NEMP2: variants seen among roughly 807,000 people sequenced by gnomAD.
NEMP2 encodes the protein nuclear envelope integral membrane protein 2.
In NEMP2, 53 loss-of-function variants were observed where a neutral mutation model predicts 54.2. The ratio of observed to expected loss-of-function variants is 0.98; its 90% CI spans 0.78 to 1.23. NEMP2 has a LOEUF of 1.23. Among genes scored for constraint, NEMP2 ranks in the 50% most tolerant of loss-of-function variants. The probability of loss-of-function intolerance (pLI) is 0.00; values close to 1 mark genes in which losing one functional copy is unlikely to be tolerated. For missense variants in NEMP2, 455 were observed against 511.3 expected, an observed-to-expected ratio of 0.89 and a Z score of 1.06; for synonymous variants, 197 against 190.3, an observed-to-expected ratio of 1.04 and a Z score of -0.29.
chr2:190,497,448 T>C, the NEMP2 span: 2 of 1,613,560 alleles, frequency 1.2e-6, no homozygotes, highest in Non-Finnish European at 1.7e-6. This position sits in a 1 kb window ranked among gnomAD's most constrained non-coding sequence, Gnocchi z 5.2. Context: ...GACAAGACAA[T>C]GTTGGCAGAA....
At chr2:190,452,480 T>C in the NEMP2 span, among the ~76,000 whole-genome samples, 6 of 152,280 alleles carry the variant, frequency 3.9e-5, no homozygotes, top group South Asian at 2.1e-4. Context: ...ATTTTAGAGA[T>C]GAGAATTGTA....
chr2:190,421,686 G>T, the NEMP2 span, among the ~76,000 whole-genome samples: 2 of 151,858 alleles, frequency 1.3e-5, no homozygotes, highest in Non-Finnish European at 2.9e-5. Context: ...ATCCCAAGTA[G>T]CTGGGACTGT....
At chr2:190,545,708 G>A in the NEMP2 span, among the ~76,000 whole-genome samples, 2 of 152,254 alleles carry the variant, frequency 1.3e-5, no homozygotes, top group Admixed American at 1.3e-4. Context: ...AAAGGGGTGG[G>A]TGGAGGTTGG....
At position 190,534,589 on chromosome 2, in the gene NEMP2, G is replaced by C; in HGVS notation, c.67C>G (p.Arg23Gly). 2 of 1,396,200 alleles carry C rather than the reference G, an allele frequency of 1.4e-6. No homozygotes were observed. Among genetic ancestry groups the C allele is most frequent in the Admixed American group, 3.3e-5 (1 of 30,044 alleles). 86.5% of individuals were successfully genotyped at this position (1,396,200 alleles called of 1,614,324 possible). A position where few individuals can be genotyped will look rare whatever the true frequency, so the allele number is the denominator to read the frequency against. Residue 23 changes from arginine to glycine, a missense_variant, in exon 1 of 9, where the codon CGC (arginine) becomes GGC (glycine). Around this residue, in one of 3 missense-constraint regions of NEMP2, gnomAD observed 100 missense variants for 80.2 expected, o/e 1.25. Transcript: ENST00000409150. ...AACGCTGCCGCCGCCGCCTCCCCGCGCACGGGCAGTGTGGCCAGGGGCGGC... is the reference window on the plus strand; with the variant it reads ...AACGCTGCCGCCGCCGCCTCCCCGCCCACGGGCAGTGTGGCCAGGGGCGGC... ...WLPPLATLPVRGEAAAAALSV... is the reference protein window; with the variant it reads ...WLPPLATLPVGGEAAAAALSV...
the NEMP2 span, chr2:190,568,191 T>A: frequency 6.6e-6 from 1 of 152,196 alleles, no homozygotes; most frequent in Admixed American, 6.5e-5. The surrounding 1 kb of genome is among the most constrained non-coding windows in gnomAD (Gnocchi z 4.7). Context: ...ATCTACATGA[T>A]CTTTGTGAAG....
At chr2:190,591,486 T>C in the NEMP2 span, among the ~76,000 whole-genome samples, 2 of 152,042 alleles carry the variant, frequency 1.3e-5, no homozygotes, top group African/African-American at 4.8e-5. The surrounding 1 kb of genome is among the most constrained non-coding windows in gnomAD (Gnocchi z 5.4). Context: ...TGTGTGTGCG[T>C]GTGTGTGTGT....
the NEMP2 span, among the ~76,000 whole-genome samples, chr2:190,596,152 G>A: frequency 3.9e-5 from 6 of 152,144 alleles, no homozygotes; most frequent in African/African-American, 1.4e-4. This position sits in a 1 kb window ranked among gnomAD's most constrained non-coding sequence, Gnocchi z 5.1. Context: ...CACAGGACAA[G>A]AAAACCAAAC....
At chr2:190,484,954 A>C in the NEMP2 span, among the ~76,000 whole-genome samples, 1 of 152,122 alleles carries the variant, frequency 6.6e-6, no homozygotes, top group Non-Finnish European at 1.5e-5. Flanking sequence ...CCTTCACTTA[A>C]TTCCCTGAGT....
chr2:190,472,128 C>T, the NEMP2 span, among the ~76,000 whole-genome samples: 12 of 152,126 alleles, frequency 7.9e-5, no homozygotes, highest in Non-Finnish European at 1.8e-4. Context: ...GTTAAAACCA[C>T]AAAGATGGGG....
chr2:190,445,821 TAATGCTTCCTGTA>T, the NEMP2 span, among the ~76,000 whole-genome samples: 1 of 152,180 alleles, frequency 6.6e-6, no homozygotes, highest in Admixed American at 6.5e-5. Context: ...ATGGAAAGAA[TAATGCTTCCTGTA>T]ATTGACTAAT....
At chr2:190,457,888 C>A in the NEMP2 span, among the ~76,000 whole-genome samples, 4 of 152,290 alleles carry the variant, frequency 2.6e-5, no homozygotes, top group East Asian at 7.7e-4. The surrounding 1 kb of genome is among the most constrained non-coding windows in gnomAD (Gnocchi z 5.1). Context: ...GATTAATTAG[C>A]ACTGTTTGTA....
At chr2:190,485,210 G>C in the NEMP2 span, among the ~76,000 whole-genome samples, 1 of 152,186 alleles carries the variant, frequency 6.6e-6, no homozygotes, top group Non-Finnish European at 1.5e-5. This position sits in a 1 kb window ranked among gnomAD's most constrained non-coding sequence, Gnocchi z 5.1. Flanking sequence ...AAACCCTGTG[G>C]TTGGAAGAGT....
At chr2:190,475,588 C>T in the NEMP2 span, among the ~76,000 whole-genome samples, 2 of 152,182 alleles carry the variant, frequency 1.3e-5, no homozygotes, top group African/African-American at 4.8e-5. Flanking sequence ...AAGAACATTC[C>T]ATGCTCATGG....
chr2:190,608,091 T>C, the NEMP2 span: 1 of 152,232 alleles, frequency 6.6e-6, no homozygotes, highest in Non-Finnish European at 1.5e-5. The surrounding 1 kb of genome is among the most constrained non-coding windows in gnomAD (Gnocchi z 4.9). Flanking sequence ...TCCTGCTCTG[T>C]CCCACCCAGG....
the NEMP2 span, among the ~76,000 whole-genome samples, chr2:190,631,407 T>C: frequency 6.6e-6 from 1 of 152,204 alleles, no homozygotes; most frequent in African/African-American, 2.4e-5. Context: ...AAACAAACCT[T>C]AGACATTGTC....
the NEMP2 span, among the ~76,000 whole-genome samples, chr2:190,594,335 C>A: frequency 6.6e-6 from 1 of 152,118 alleles, no homozygotes; most frequent in Admixed American, 6.6e-5. This position sits in a 1 kb window ranked among gnomAD's most constrained non-coding sequence, Gnocchi z 5.6. Flanking sequence ...CCAAAAGTAT[C>A]TCCTTTAAAA....
the NEMP2 span, among the ~76,000 whole-genome samples, chr2:190,642,434 A>T: frequency 2.8e-3 from 421 of 152,280 alleles, 1 homozygote; most frequent in Non-Finnish European, 4.7e-3. This position sits in a 1 kb window ranked among gnomAD's most constrained non-coding sequence, Gnocchi z 4.1. Context: ...AATACAATGG[A>T]TAAAGGTTTG....
At chr2:190,624,666 G>A in the NEMP2 span, 1 of 152,206 alleles carries the variant, frequency 6.6e-6, no homozygotes, top group Non-Finnish European at 1.5e-5. Flanking sequence ...CAACTTGGAT[G>A]GATCTGGAGG....
chr2:190,437,229 T>C, the NEMP2 span: 2 of 1,614,216 alleles, frequency 1.2e-6, no homozygotes, highest in Non-Finnish European at 1.7e-6. The surrounding 1 kb of genome is among the most constrained non-coding windows in gnomAD (Gnocchi z 5.9). Flanking sequence ...AAAACGATGA[T>C]TCTAAAGGGA....
Sources: gnomAD v4.1 joint callset for allele counts (sites outside exome capture counted in the v4.1 genomes callset) on GRCh38, gnomAD v4.1.1 for gene constraint, gnomAD v4.1.1 regional missense constraint, Gnocchi (gnomAD v3.1) non-coding constraint, MANE v1.5 for transcripts, NCBI Gene and HGNC (gene_info 2026-07-23, HGNC 2026-07-21) for gene names.